NLK: variants seen among roughly 807,000 people sequenced by gnomAD.
The protein encoded by NLK is serine/threonine-protein kinase NLK.
In NLK, 11 loss-of-function variants were observed where a neutral mutation model predicts 59.0. The ratio of observed to expected loss-of-function variants is 0.19; its 90% CI spans 0.12 to 0.31. NLK has a LOEUF of 0.31. NLK is among the 10% of genes least tolerant of loss of function. The pLI, the probability that NLK is intolerant of heterozygous loss-of-function variation, is 1.00. For missense variants in NLK, 410 were observed against 661.1 expected (o/e 0.62, Z 4.16); for synonymous variants, 235 against 235.9 (o/e 1.00, Z 0.03).
intron 3 of NLK, among the ~76,000 whole-genome samples, chr17:28,160,723 G>A (rs1391525666): frequency 6.6e-6 from 1 of 152,158 alleles, no homozygotes; most frequent in Non-Finnish European, 1.5e-5. Context: ...AATGTAACAA[G>A]CCACAGCCCT....
intron 1 of NLK, among the ~76,000 whole-genome samples, chr17:28,068,378 A>G (rs1002939257): frequency 2.0e-5 from 3 of 152,084 alleles, no homozygotes; most frequent in Non-Finnish European, 2.9e-5. Context: ...AAGGAGTTGT[A>G]TTTGGAACTG....
chr17:28,182,847 A>G (rs940380276), intron 7 of NLK, among the ~76,000 whole-genome samples: 3 of 152,260 alleles, frequency 2.0e-5, no homozygotes, highest in African/African-American at 7.2e-5. Flanking sequence ...CACGGTTCAC[A>G]GATGGCTTTT....
downstream of NLK, chr17:28,196,474 A>G (rs1311809667): frequency 6.6e-6 from 1 of 152,278 alleles, no homozygotes; most frequent in Admixed American, 6.5e-5. Flanking sequence ...GACACTTCCT[A>G]TTTATATTTC....
intron 1 of NLK, among the ~76,000 whole-genome samples, chr17:28,069,260 T>TTTC (rs1412354992): frequency 2.6e-5 from 4 of 152,248 alleles, no homozygotes; most frequent in Non-Finnish European, 4.4e-5. Context: ...TCAGTGTTTT[T>TTTC]TTCTCTTTAT....
At chr17:28,128,148 A>T (rs1906366648) in intron 2 of NLK, among the ~76,000 whole-genome samples, 1 of 152,178 alleles carries the variant, frequency 6.6e-6, no homozygotes, top group Non-Finnish European at 1.5e-5. Context: ...AAGGTAAAAT[A>T]ATAAAACTCC....
At chr17:28,164,369 CA>C (rs962344405) in intron 5 of NLK, among the ~76,000 whole-genome samples, 1,646 of 61,420 alleles carry the variant, frequency 0.027, 19 homozygotes, top group African/African-American at 0.083. Context: ...GACCCTGTCT[CA>C]AAAAAAAAAA....
At position 28,042,802 on chromosome 17, in the gene NLK, TTTC is replaced by T; in HGVS notation, c.-68_-66del. 1 of 1,374,252 alleles carries T rather than the reference TTTC, an allele frequency of 7.3e-7. No individual in the cohort carries two copies. Among genetic ancestry groups the T allele is most frequent in the East Asian group, 2.5e-5 (1 of 39,500 alleles). 85.1% of individuals were successfully genotyped at this position (1,374,252 alleles called of 1,614,324 possible). A position where few individuals can be genotyped will look rare whatever the true frequency, so the allele number is the denominator to read the frequency against. On this transcript the variant is annotated 5_prime_UTR_variant, in exon 1 of 11. Coordinates refer to ENST00000407008, the MANE Select transcript of NLK (RefSeq NM_016231.5). ...GTTTTTTGAGGTGGAGTGAGTGGTTTTTCTTCATTTTTAAATGGCCAAATGACA... is the reference window on the plus strand; with the variant it reads ...GTTTTTTGAGGTGGAGTGAGTGGTTTTTCATTTTTAAATGGCCAAATGACA...
downstream of NLK, among the ~76,000 whole-genome samples, chr17:28,198,678 C>T (rs1463497630): frequency 1.3e-5 from 2 of 152,124 alleles, no homozygotes; most frequent in Non-Finnish European, 2.9e-5. Context: ...TTTTCACATC[C>T]CTCTTCACAG....
Position 28,127,831 on chromosome 17 carries a change from A to G in NLK, c.589-4789A>G, listed in dbSNP as rs541504768. On this transcript the variant is annotated intron_variant, in intron 2 of 10. Coordinates refer to ENST00000407008, the MANE Select transcript of NLK (RefSeq NM_016231.5). ...AAGTTAGAAATTCATACTACCAAGT[A>G]TTGAGACTGTTGTCCAATATTGAGA... 2.2e-4 allele frequency among the ~76,000 whole-genome samples: 34 copies of G among 152,354 alleles called. 1 individual carries two copies. Among genetic ancestry groups the G allele is most frequent in the African/African-American group, 6.5e-4 (27 of 41,590 alleles).
chr17:28,124,717 T>A (rs1906219954), intron 2 of NLK, among the ~76,000 whole-genome samples: 1 of 152,062 alleles, frequency 6.6e-6, no homozygotes, highest in African/African-American at 2.4e-5. Context: ...AGTAAAGGTA[T>A]CCATGACGAA....
intron 1 of NLK, among the ~76,000 whole-genome samples, chr17:28,106,512 G>A (rs1267970340): frequency 6.6e-6 from 1 of 152,158 alleles, no homozygotes; most frequent in Non-Finnish European, 1.5e-5. Flanking sequence ...ATCTCACTAT[G>A]AGAATTTCAG....
At chr17:28,182,351 T>C (rs1179882875) in intron 7 of NLK, among the ~76,000 whole-genome samples, 3 of 152,198 alleles carry the variant, frequency 2.0e-5, no homozygotes, top group Non-Finnish European at 4.4e-5. Context: ...TTGATGTTAA[T>C]AGTTGTCCTA....
intron 1 of NLK, among the ~76,000 whole-genome samples, chr17:28,071,255 A>G (rs1909997833): frequency 1.3e-5 from 2 of 152,216 alleles, no homozygotes. Flanking sequence ...GTTTTAATTC[A>G]AGATTATTTT....
At chr17:28,098,890 C>A (rs755273634) in intron 1 of NLK, among the ~76,000 whole-genome samples, 1 of 152,094 alleles carries the variant, frequency 6.6e-6, no homozygotes, top group Middle Eastern at 3.4e-3. Context: ...GCATGTTGGT[C>A]AGGCTGGTCT....
intron 3 of NLK, among the ~76,000 whole-genome samples, chr17:28,146,252 A>G (rs551354553): frequency 3.3e-4 from 50 of 152,210 alleles, no homozygotes; most frequent in African/African-American, 1.2e-3. Context: ...GATAATGGAG[A>G]TGATATTCTT....
the NLK span, among the ~76,000 whole-genome samples, chr17:28,206,004 GTATGTA>G: frequency 6.6e-6 from 1 of 152,074 alleles, no homozygotes; most frequent in Non-Finnish European, 1.5e-5. Flanking sequence ...AGTCATTTCT[GTATGTA>G]TATGTATATC....
chr17:28,154,798 C>T (rs1262992825), intron 3 of NLK, among the ~76,000 whole-genome samples: 2 of 152,078 alleles, frequency 1.3e-5, no homozygotes, highest in African/African-American at 4.8e-5. Flanking sequence ...CTTTGAGATA[C>T]TGAGGTGGGC....
At chr17:28,203,313 CTCAA>C in the NLK span, among the ~76,000 whole-genome samples, 1 of 151,940 alleles carries the variant, frequency 6.6e-6, no homozygotes, top group Non-Finnish European at 1.5e-5. Context: ...GCCCACAGCT[CTCAA>C]TCAGAGGGGG....
intron 3 of NLK, 66 bp from the exon 4 acceptor site, chr17:28,161,094 C>G: frequency 1.2e-6 from 1 of 837,124 alleles, no homozygotes; most frequent in Non-Finnish European, 2.1e-6. Flanking sequence ...TTTTTTAGAT[C>G]TGGTCACCAC....
Sources: gnomAD v4.1 joint callset for allele counts (sites outside exome capture counted in the v4.1 genomes callset) on GRCh38, gnomAD v4.1.1 for gene constraint, MANE v1.5 for transcripts, NCBI Gene and HGNC (gene_info 2026-07-23, HGNC 2026-07-21) for gene names.